Variants in ITSN1 observed in about 807,000 individuals in gnomAD.
ITSN1 encodes intersectin 1.
ITSN1 carries 58 observed loss-of-function variants against 239.8 expected under a neutral mutation model. That is an observed-to-expected ratio of 0.24 (90% CI 0.20 to 0.30). ITSN1 has a LOEUF of 0.30. ITSN1 is among the 10% of genes least tolerant of loss of function. ITSN1 has a pLI of 1.00. For synonymous variants in ITSN1, 780 were observed against 770.8 expected, an observed-to-expected ratio of 1.01 and a Z score of -0.20; for missense variants, 1,558 against 2,103.3, an observed-to-expected ratio of 0.74 and a Z score of 5.07.
chr21:33,715,609 G>C (rs1230998098), intron 1 of ITSN1, among the ~76,000 whole-genome samples: 2 of 152,140 alleles, frequency 1.3e-5, no homozygotes, highest in Non-Finnish European at 1.5e-5. Flanking sequence ...AGAAATTGTC[G>C]AGGAAAAGAA....
At chr21:33,781,362 G>A in intron 14 of ITSN1, 99 bp from the exon 15 acceptor site, 1 of 691,260 alleles carries the variant, frequency 1.4e-6, no homozygotes, top group East Asian at 3.0e-5. Flanking sequence ...CAGGATTTGG[G>A]AAGAGTCTGA....
chr21:33,838,188 C>A, intron 29 of ITSN1: 3 of 985,432 alleles, frequency 3.0e-6, no homozygotes, highest in Non-Finnish European at 3.6e-6. Flanking sequence ...CTGCTGCTCA[C>A]AGCACAGAAA....
chr21:33,728,049 C>CT (rs2065937003), intron 4 of ITSN1, among the ~76,000 whole-genome samples: 2 of 151,702 alleles, frequency 1.3e-5, no homozygotes, highest in Admixed American at 1.3e-4. Flanking sequence ...ACTGCAACCT[C>CT]TGTCTCCCGG....
At chr21:33,806,047 CAAAAAAAA>C (rs762086740) in intron 20 of ITSN1, among the ~76,000 whole-genome samples, 1 of 113,012 alleles carries the variant, frequency 8.8e-6, no homozygotes, top group East Asian at 2.4e-4. Flanking sequence ...ACTAAAAATA[CAAAAAAAA>C]AAAAAATTAG....
At chr21:33,877,346 C>G (rs1984110855) in intron 34 of ITSN1, among the ~76,000 whole-genome samples, 1 of 152,044 alleles carries the variant, frequency 6.6e-6, no homozygotes, top group Non-Finnish European at 1.5e-5. Context: ...GATTACCGCA[C>G]CTGGCCCACC....
At chr21:33,772,443 C>G in intron 12 of ITSN1, 120 bp downstream of exon 12, 1 of 1,258,174 alleles carries the variant, frequency 7.9e-7, no homozygotes, top group Non-Finnish European at 1.1e-6. Flanking sequence ...TTAGTATATT[C>G]CCAAAGTTGT....
chr21:33,645,146 T>C (rs1420468712), intron 1 of ITSN1, among the ~76,000 whole-genome samples: 1 of 152,196 alleles, frequency 6.6e-6, no homozygotes, highest in Non-Finnish European at 1.5e-5. Flanking sequence ...CTCTAAATTA[T>C]CTTTTTAATT....
intron 1 of ITSN1, among the ~76,000 whole-genome samples, chr21:33,701,726 C>G (rs547250755): frequency 6.6e-6 from 1 of 151,268 alleles, no homozygotes; most frequent in South Asian, 2.1e-4. Context: ...ACCCAGGAGG[C>G]GGAGGCTGCA....
At chr21:33,810,863 A>C in intron 20 of ITSN1, 112 bp from the exon 21 acceptor site, 1 of 1,176,330 alleles carries the variant, frequency 8.5e-7, no homozygotes, top group African/African-American at 1.5e-5. Context: ...AGAGATTCCT[A>C]TGCCATATGT....
chr21:33,654,206 C>G (rs1441490075), intron 1 of ITSN1, among the ~76,000 whole-genome samples: 1 of 151,668 alleles, frequency 6.6e-6, no homozygotes, highest in African/African-American at 2.4e-5. Context: ...CCACGCACCA[C>G]CACACCTGGC....
At chr21:33,664,608 ATTTAACTT>A (rs1156618547) in intron 1 of ITSN1, among the ~76,000 whole-genome samples, 1 of 152,190 alleles carries the variant, frequency 6.6e-6, no homozygotes, top group African/African-American at 2.4e-5. Context: ...TAAGCAAGCT[ATTTAACTT>A]TTCTGTGCCT....
At chr21:33,688,036 A>G (rs1048541272) in intron 1 of ITSN1, among the ~76,000 whole-genome samples, 1 of 151,462 alleles carries the variant, frequency 6.6e-6, no homozygotes, top group Non-Finnish European at 1.5e-5. Flanking sequence ...TGCTTTGTCT[A>G]TTTTATGATA....
Position 33,894,896 on chromosome 21 carries a change from TAGG to T in ITSN1, c.*6604_*6606del, listed in dbSNP as rs1453510038. On this transcript the variant is annotated 3_prime_UTR_variant, in exon 40 of 40. Transcript: ENST00000381318. ...CCGGCGGGGGTGGAGGGTCTCCCTG[TAGG>T]AGGAGGAAACTCGCTGTTTTCACTG... The T allele has an allele frequency of 2.0e-5, 3 of 152,254 alleles. No individual in the cohort carries two copies. The highest frequency in any genetic ancestry group is 4.4e-5 in the Non-Finnish European group (3 of 68,076). 9.4% of individuals were successfully genotyped at this position (152,254 alleles called of 1,614,324 possible). A position where few individuals can be genotyped will look rare whatever the true frequency, so the allele number is the denominator to read the frequency against.
At position 33,894,102 on chromosome 21, in the gene ITSN1, A is replaced by C. The variant is rs1264708822; in HGVS notation, c.*5802A>C. 2 of 152,262 alleles carry C rather than the reference A, an allele frequency of 1.3e-5. No homozygotes were observed. The highest frequency in any genetic ancestry group is 2.9e-5 in the Non-Finnish European group (2 of 68,056). The allele number at this position is 152,262 out of a possible 1,614,324, so 9.4% of individuals were successfully genotyped here. ...AGCTGGACGGGCCTGCCTTGGTGGC[A>C]TTCAAGCAAGCCTAATTGGATTAGG... On this transcript the variant is annotated 3_prime_UTR_variant, in exon 40 of 40. Transcript: ENST00000381318.
chr21:33,645,770 G>A (rs906977355), intron 1 of ITSN1, among the ~76,000 whole-genome samples: 11 of 152,190 alleles, frequency 7.2e-5, no homozygotes, highest in Non-Finnish European at 1.3e-4. Flanking sequence ...CATTCTCCAG[G>A]AATTTCTCCT....
chr21:33,818,194 C>A, intron 22 of ITSN1, 73 bp from the exon 23 acceptor site: 2 of 1,258,590 alleles, frequency 1.6e-6, no homozygotes, highest in Non-Finnish European at 2.3e-6. Context: ...TGGAGAGGTG[C>A]CATGCTCACG....
chr21:33,657,836 A>C (rs2089219562), intron 1 of ITSN1, among the ~76,000 whole-genome samples: 1 of 152,196 alleles, frequency 6.6e-6, no homozygotes, highest in Admixed American at 6.5e-5. Flanking sequence ...AATTTTAAAA[A>C]TCAGCTGGGC....
At chr21:33,723,183 T>G (rs2065604184) in intron 4 of ITSN1, among the ~76,000 whole-genome samples, 1 of 152,200 alleles carries the variant, frequency 6.6e-6, no homozygotes, top group Non-Finnish European at 1.5e-5. Flanking sequence ...AAATACAGTT[T>G]TGGATTCTTG....
At chr21:33,748,076 A>G (rs776299878) in intron 5 of ITSN1, among the ~76,000 whole-genome samples, 4 of 152,220 alleles carry the variant, frequency 2.6e-5, no homozygotes, top group Non-Finnish European at 5.9e-5. Flanking sequence ...GAGAAAGGGA[A>G]TTGAGCTATA....
Sources: allele counts gnomAD v4.1 joint callset (sites outside exome capture counted in the v4.1 genomes callset), GRCh38; gene constraint gnomAD v4.1.1; transcripts MANE v1.5; gene names NCBI Gene and HGNC (gene_info 2026-07-23, HGNC 2026-07-21).